Variants in MYT1L observed in about 807,000 individuals in gnomAD.
MYT1L encodes the protein myelin transcription factor 1 like, also known as myelin transcription factor 1-like protein.
A neutral mutation model predicts 126.7 loss-of-function variants in MYT1L; 12 were observed. The observed-to-expected ratio is 0.09, with a 90% CI of 0.06 to 0.15. The LOEUF (loss-of-function observed/expected upper bound fraction) is 0.15. Ranked by LOEUF, MYT1L falls within the 10% of genes least tolerant of loss-of-function variation. The pLI is 1.00. For synonymous variants in MYT1L, 541 were observed against 604.2 expected (o/e 0.90, Z 1.53); for missense variants, 979 against 1,585.2 (o/e 0.62, Z 6.49).
intron 1 of MYT1L, among the ~76,000 whole-genome samples, chr2:2,313,514 C>T (rs889490458): frequency 3.5e-5 from 5 of 142,852 alleles, no homozygotes; most frequent in Admixed American, 1.4e-4. Context: ...TTTAAAATAC[C>T]TGTTTTTTTT....
At chr2:2,167,636 G>C (rs2089374652) in intron 3 of MYT1L, among the ~76,000 whole-genome samples, 1 of 152,148 alleles carries the variant, frequency 6.6e-6, no homozygotes, top group Non-Finnish European at 1.5e-5. Flanking sequence ...GGCCTTTCCT[G>C]ATGCTGTTAC....
At chr2:2,129,769 G>A (rs1015838137) in intron 3 of MYT1L, among the ~76,000 whole-genome samples, 9 of 152,082 alleles carry the variant, frequency 5.9e-5, no homozygotes, top group African/African-American at 2.2e-4. Flanking sequence ...AGCCAGGTGT[G>A]GTGGCGGGCG....
At chr2:1,823,792 C>T (rs2038917474) in intron 21 of MYT1L, among the ~76,000 whole-genome samples, 1 of 152,242 alleles carries the variant, frequency 6.6e-6, no homozygotes, top group Admixed American at 6.5e-5. Context: ...GTGTTCAGCC[C>T]TGCACTGCCA....
chr2:2,001,237 C>CTTTTTTTTTTTTTTTTTTT (rs11389323), intron 4 of MYT1L, among the ~76,000 whole-genome samples: 1 of 103,910 alleles, frequency 9.6e-6, no homozygotes, highest in Non-Finnish European at 1.9e-5. Context: ...TTGGTTTTAG[C>CTTTTTTTTTTTTTTTTTTT]TTTTTTTTTT....
chr2:1,855,028 C>A (rs62114694), intron 18 of MYT1L, among the ~76,000 whole-genome samples: 15 of 152,198 alleles, frequency 9.9e-5, no homozygotes, highest in African/African-American at 3.6e-4. Context: ...ATAAGGCAGC[C>A]CAGAATGGCT....
intron 2 of MYT1L, among the ~76,000 whole-genome samples, chr2:2,216,043 G>GTCTC (rs146632684): frequency 2.0e-4 from 25 of 123,468 alleles, no homozygotes; most frequent in African/African-American, 3.8e-4. Flanking sequence ...CTGTCTGTCT[G>GTCTC]TCTCTCTCTC....
chr2:2,229,553 C>T (rs1179411148), intron 2 of MYT1L, among the ~76,000 whole-genome samples: 1 of 152,020 alleles, frequency 6.6e-6, no homozygotes, highest in Non-Finnish European at 1.5e-5. Context: ...GTGATCCTCC[C>T]ACCTCAGCCT....
At chr2:2,179,737 A>G (rs567397566) in intron 2 of MYT1L, among the ~76,000 whole-genome samples, 2 of 152,140 alleles carry the variant, frequency 1.3e-5, no homozygotes, top group Non-Finnish European at 2.9e-5. Flanking sequence ...GCTTGGTGAC[A>G]TGTTATTTCT....
chr2:1,975,485 T>C (rs570924237), intron 8 of MYT1L, among the ~76,000 whole-genome samples: 11 of 152,218 alleles, frequency 7.2e-5, no homozygotes, highest in Non-Finnish European at 1.6e-4. Flanking sequence ...TCCCAGCATT[T>C]TGGGAGGCTG....
chr2:1,792,019 T>C lies in MYT1L; in HGVS notation c.3421-12A>G, dbSNP rs1412043528. On this transcript the variant is annotated splice_polypyrimidine_tract_variant and intron_variant, in intron 24 of 24. Coordinates refer to ENST00000647738, the MANE Select transcript of MYT1L (RefSeq NM_001303052.2). ...TCATTGATTGGATCCTACGAGATATTAAATAGTAGTTCATATACAACTTTT... is the reference window on the plus strand; with the variant it reads ...TCATTGATTGGATCCTACGAGATATCAAATAGTAGTTCATATACAACTTTT... The C allele has an allele frequency of 6.4e-6, 10 of 1,554,396 alleles. No individual in the cohort carries two copies. The highest frequency in any genetic ancestry group is 8.7e-6 in the Non-Finnish European group (10 of 1,148,454).
chr2:1,798,161 TCCCTC>T (rs1386612253), intron 23 of MYT1L, among the ~76,000 whole-genome samples: 1 of 47,248 alleles, frequency 2.1e-5, no homozygotes, highest in East Asian at 5.1e-4. Context: ...CGCGGCGGTC[TCCCTC>T]CATCCGGCAC....
At chr2:2,127,615 G>A (rs1429727913) in intron 3 of MYT1L, among the ~76,000 whole-genome samples, 2 of 152,074 alleles carry the variant, frequency 1.3e-5, no homozygotes, top group African/African-American at 4.8e-5. Flanking sequence ...GCATCCCTTC[G>A]TTTCTCTCCG....
intron 3 of MYT1L, among the ~76,000 whole-genome samples, chr2:2,163,758 G>C (rs976490777): frequency 1.3e-5 from 2 of 150,354 alleles, no homozygotes; most frequent in Admixed American, 6.6e-5. Context: ...AAAAAAGAAA[G>C]AAACAAAACA....
At chr2:1,905,389 C>T (rs756863064) in intron 13 of MYT1L, among the ~76,000 whole-genome samples, 1 of 150,736 alleles carries the variant, frequency 6.6e-6, no homozygotes. Context: ...GAATTTTGCT[C>T]TGTTGCCAGG....
At chr2:1,945,880 C>T (rs888037794) in intron 8 of MYT1L, among the ~76,000 whole-genome samples, 8 of 152,116 alleles carry the variant, frequency 5.3e-5, no homozygotes, top group African/African-American at 1.2e-4. Flanking sequence ...ACTTCTAAAA[C>T]GATTTAGACC....
Position 2,290,398 on chromosome 2 carries a change from G to A in MYT1L, c.-520-5895C>T, listed in dbSNP as rs554371199. On this transcript the variant is annotated intron_variant, in intron 1 of 24. Transcript: ENST00000647738. ...CTGGATGACCTCATCTCGAAGACTAGCGTGCTGTGTGCTTTATCACATGCC... is the reference window on the plus strand; with the variant it reads ...CTGGATGACCTCATCTCGAAGACTAACGTGCTGTGTGCTTTATCACATGCC... 5.9e-5 allele frequency among the ~76,000 whole-genome samples: 9 copies of A among 152,292 alleles called. No homozygotes were observed. In the South Asian group the frequency reaches 1.9e-3, roughly 32 times the overall value.
At chr2:2,247,309 G>A (rs1054426500) in intron 2 of MYT1L, among the ~76,000 whole-genome samples, 4 of 152,026 alleles carry the variant, frequency 2.6e-5, no homozygotes, top group Non-Finnish European at 5.9e-5. Context: ...AATGATAAAG[G>A]GGTCAATTCA....
intron 2 of MYT1L, among the ~76,000 whole-genome samples, chr2:2,183,589 T>G (rs1031905611): frequency 3.3e-5 from 5 of 152,126 alleles, no homozygotes; most frequent in Admixed American, 1.3e-4. Flanking sequence ...AGGTTCTCAG[T>G]GTGATGAGGT....
At chr2:2,033,214 C>A (rs2066579237) in intron 4 of MYT1L, among the ~76,000 whole-genome samples, 1 of 149,042 alleles carries the variant, frequency 6.7e-6, no homozygotes, top group South Asian at 2.2e-4. Context: ...TGCCTCTCAT[C>A]CTGTCGCCCA....
Sources: gnomAD v4.1 joint callset for allele counts (sites outside exome capture counted in the v4.1 genomes callset) on GRCh38, gnomAD v4.1.1 for gene constraint, MANE v1.5 for transcripts, NCBI Gene and HGNC (gene_info 2026-07-23, HGNC 2026-07-21) for gene names.